The following MEMO1 variants were observed in gnomAD, a reference collection of about 807,000 sequenced individuals.
The protein encoded by MEMO1 is protein MEMO1.
A neutral mutation model predicts 45.2 loss-of-function variants in MEMO1; 6 were observed. That is an observed-to-expected ratio of 0.13 (90% CI 0.07 to 0.26). MEMO1 has a LOEUF of 0.26. MEMO1 is among the 10% of genes least tolerant of loss of function. MEMO1 has a pLI of 1.00. For synonymous variants in MEMO1, 78 were observed against 124.3 expected, an observed-to-expected ratio of 0.63 and a Z score of 2.48; for missense variants, 184 against 370.5, an observed-to-expected ratio of 0.50 and a Z score of 4.13.
intron 2 of MEMO1, among the ~76,000 whole-genome samples, chr2:32,009,184 G>A (rs1674481909): frequency 6.6e-6 from 1 of 152,202 alleles, no homozygotes; most frequent in Non-Finnish European, 1.5e-5. Context: ...TTAGACAGTG[G>A]AGACAGAAAA....
In MEMO1 at chr2:32,002,252, C is replaced by CGTATAT. The variant is rs201566457; in HGVS notation, c.61+7934_61+7935insATATAC. The stretch of plus-strand genomic sequence containing the variant: ...GTGTATATATACATATACATATATA[C>CGTATAT]GTGTATATATACATACACATATATA... On this transcript the variant is annotated intron_variant, in intron 2 of 9. Transcript: ENST00000404530. Among the ~76,000 whole-genome samples, 185 of 136,140 alleles carry CGTATAT rather than the reference C, an allele frequency of 1.4e-3. 1 individual carries two copies. The highest frequency in any genetic ancestry group is 5.0e-3 in the African/African-American group (175 of 35,252). 89.3% of individuals were successfully genotyped at this position (136,140 alleles called of 152,430 possible). A position where few individuals can be genotyped will look rare whatever the true frequency, so the allele number is the denominator to read the frequency against.
At chr2:31,971,261 T>C (rs1266368306) in intron 2 of MEMO1, among the ~76,000 whole-genome samples, 1 of 152,280 alleles carries the variant, frequency 6.6e-6, no homozygotes, top group Non-Finnish European at 1.5e-5. Context: ...TAAACCTTTT[T>C]TTTTGAAAAA....
At chr2:31,934,967 A>C (rs905302900) in intron 3 of MEMO1, among the ~76,000 whole-genome samples, 1 of 152,206 alleles carries the variant, frequency 6.6e-6, no homozygotes, top group African/African-American at 2.4e-5. Flanking sequence ...TCAGTGACTG[A>C]GCATGGGAGA....
chr2:31,893,940 C>G (rs1409587578), intron 6 of MEMO1, among the ~76,000 whole-genome samples: 2 of 152,128 alleles, frequency 1.3e-5, no homozygotes, highest in Non-Finnish European at 2.9e-5. Context: ...TGTCATCTCT[C>G]TTTTAAAAAA....
intron 2 of MEMO1, among the ~76,000 whole-genome samples, chr2:31,974,654 A>C (rs1197321605): frequency 1.3e-5 from 2 of 152,068 alleles, no homozygotes; most frequent in Non-Finnish European, 2.9e-5. Context: ...CTGAGGCAGG[A>C]GAACCACTTG....
chr2:31,895,427 G>A (rs1481030147), intron 6 of MEMO1, among the ~76,000 whole-genome samples: 3 of 152,126 alleles, frequency 2.0e-5, no homozygotes, highest in Non-Finnish European at 4.4e-5. Flanking sequence ...AGAAATAAAT[G>A]CAAACTATTA....
chr2:31,990,361 A>T (rs941757741), intron 2 of MEMO1, among the ~76,000 whole-genome samples: 1 of 152,190 alleles, frequency 6.6e-6, no homozygotes, highest in Non-Finnish European at 1.5e-5. Flanking sequence ...CATTTATGTT[A>T]GCATGTAATG....
intron 2 of MEMO1, among the ~76,000 whole-genome samples, chr2:31,948,727 C>T (rs1350441041): frequency 2.0e-5 from 3 of 152,142 alleles, no homozygotes; most frequent in African/African-American, 7.2e-5. Flanking sequence ...GCCGAAACCC[C>T]GTCTCTACTA....
At chr2:31,963,833 T>A (rs778605631) in intron 2 of MEMO1, among the ~76,000 whole-genome samples, 8 of 152,220 alleles carry the variant, frequency 5.3e-5, no homozygotes, top group Non-Finnish European at 1.0e-4. Flanking sequence ...AGCCACATAC[T>A]GCTACTGGGT....
chr2:31,894,737 T>C (rs530701386), intron 6 of MEMO1, among the ~76,000 whole-genome samples: 1 of 152,276 alleles, frequency 6.6e-6, no homozygotes, highest in East Asian at 1.9e-4. Flanking sequence ...GCACAGGGTC[T>C]TAGGTCTAAG....
chr2:31,975,252 AT>A (rs1212755325), intron 2 of MEMO1, among the ~76,000 whole-genome samples: 1 of 152,252 alleles, frequency 6.6e-6, no homozygotes, highest in Non-Finnish European at 1.5e-5. Context: ...TAAAAGAATT[AT>A]TTAAAAAGAA....
intron 2 of MEMO1, among the ~76,000 whole-genome samples, chr2:32,005,270 T>C (rs1442636838): frequency 7.3e-6 from 1 of 137,668 alleles, no homozygotes; most frequent in Admixed American, 8.1e-5. Flanking sequence ...CAGTGAGCTA[T>C]GATCGAGCCA....
intron 2 of MEMO1, among the ~76,000 whole-genome samples, chr2:31,949,065 T>C (rs1188700208): frequency 2.0e-5 from 3 of 152,134 alleles, no homozygotes; most frequent in Admixed American, 6.5e-5. Flanking sequence ...TGAGATATCA[T>C]CTCACCCCAG....
chr2:31,876,602 C>A (rs1158897696), intron 8 of MEMO1, among the ~76,000 whole-genome samples: 1 of 152,188 alleles, frequency 6.6e-6, no homozygotes, highest in East Asian at 1.9e-4. Context: ...ATCCAAATGT[C>A]TACCTAATTG....
At position 31,920,932 on chromosome 2, in the gene MEMO1, A is replaced by C. The variant is rs751121582; in HGVS notation, c.213-22T>G. On this transcript the variant is annotated intron_variant, in intron 4 of 9. Transcript: ENST00000404530. ...CCGGCTAGGAGATACACAACAAAAA[A>C]ACACGTAACAATTGCACTTCTACAC... 4 of 1,478,408 alleles carry C rather than the reference A, an allele frequency of 2.7e-6. No individual in the cohort carries two copies. The Admixed American group carries it at 5.6e-5, about 21-fold the overall frequency. 91.6% of individuals were successfully genotyped at this position (1,478,408 alleles called of 1,614,324 possible). A position where few individuals can be genotyped will look rare whatever the true frequency, so the allele number is the denominator to read the frequency against.
chr2:31,980,774 A>T (rs1464874697), intron 2 of MEMO1, among the ~76,000 whole-genome samples: 1 of 152,130 alleles, frequency 6.6e-6, no homozygotes, highest in Non-Finnish European at 1.5e-5. Flanking sequence ...CTAAACCCAT[A>T]TCTATAGTAA....
At chr2:31,932,023 A>C (rs767019086) in intron 4 of MEMO1, 44 bp downstream of exon 4, 112 of 1,537,076 alleles carry the variant, frequency 7.3e-5, no homozygotes, top group Admixed American at 1.6e-4. Flanking sequence ...CAAAGCAATA[A>C]ATTCTCAAGC....
intron 4 of MEMO1, among the ~76,000 whole-genome samples, chr2:31,930,811 ATT>A (rs376524077): frequency 1.0e-4 from 13 of 126,084 alleles, no homozygotes; most frequent in Admixed American, 2.4e-4. Flanking sequence ...ACGCCTGGCA[ATT>A]TTTTTTTTTT....
chr2:31,925,474 T>TCAAAAAA (rs1682950979), intron 4 of MEMO1, among the ~76,000 whole-genome samples: 1 of 15,064 alleles, frequency 6.6e-5, no homozygotes, highest in Admixed American at 7.3e-4. Flanking sequence ...AGACTCCGTC[T>TCAAAAAA]CAAAAAAAAA....
Sources: allele counts gnomAD v4.1 joint callset (sites outside exome capture counted in the v4.1 genomes callset), GRCh38; gene constraint gnomAD v4.1.1; transcripts MANE v1.5; gene names NCBI Gene and HGNC (gene_info 2026-07-23, HGNC 2026-07-21).